The following PTGFRN variants were observed in gnomAD, a reference collection of about 807,000 sequenced individuals.
The protein encoded by PTGFRN is prostaglandin F2 receptor negative regulator.
In PTGFRN, 35 loss-of-function variants were observed where a neutral mutation model predicts 83.2. The ratio of observed to expected loss-of-function variants is 0.42; its 90% confidence interval spans 0.32 to 0.56. The LOEUF (loss-of-function observed/expected upper bound fraction) is 0.56. PTGFRN is among the 20% of genes least tolerant of loss of function. The pLI is 0.11. For missense variants in PTGFRN, 1,051 were observed against 1,179.5 expected (o/e 0.89, Z 1.60); for synonymous variants, 519 against 498.6 (o/e 1.04, Z -0.55).
intron 6 of PTGFRN, among the ~76,000 whole-genome samples, chr1:116,969,386 C>A (rs1354194481): frequency 6.6e-6 from 1 of 152,062 alleles, no homozygotes; most frequent in Admixed American, 6.6e-5. Flanking sequence ...TGTTTTGGCA[C>A]CCCTGTCAAA....
intron 4 of PTGFRN, among the ~76,000 whole-genome samples, chr1:116,953,730 C>T (rs1360089935): frequency 6.6e-6 from 1 of 151,934 alleles, no homozygotes; most frequent in African/African-American, 2.4e-5. Flanking sequence ...CTAAGAGGAG[C>T]TAGAGAAAGG....
Position 116,941,571 on chromosome 1 carries a change from T to C in PTGFRN, c.50-144T>C, listed in dbSNP as rs766664337. 12 of 1,168,472 alleles carry C rather than the reference T, an allele frequency of 1.0e-5. No individual in the cohort carries two copies. In the East Asian group the frequency reaches 2.8e-4, roughly 28 times the overall value. The allele number at this position is 1,168,472 out of a possible 1,614,324, so 72.4% of individuals were successfully genotyped here. A position where few individuals can be genotyped will look rare whatever the true frequency, so the allele number is the denominator to read the frequency against. ...CATTATTTAAGGGTTAGGCTTAACC[T>C]TCTGCATAGATACATTTTCCCTAGT... On this transcript the variant is annotated intron_variant, in intron 1 of 8. Coordinates refer to ENST00000393203, the MANE Select transcript of PTGFRN (RefSeq NM_020440.4). This position sits in a 1 kb window ranked among gnomAD's most constrained non-coding sequence, Gnocchi z 5.0.
chr1:116,910,419 C>G (rs1428406727), intron 1 of PTGFRN, among the ~76,000 whole-genome samples, 167 bp downstream of exon 1: 4 of 150,232 alleles, frequency 2.7e-5, no homozygotes, highest in African/African-American at 9.7e-5. Flanking sequence ...GGAGCGGCCG[C>G]GGGGCCGCCC....
At chr1:116,977,630 A>G (rs1167305875) in intron 7 of PTGFRN, among the ~76,000 whole-genome samples, 2 of 152,246 alleles carry the variant, frequency 1.3e-5, no homozygotes, top group African/African-American at 4.8e-5. Context: ...TACTGGGTAC[A>G]TAATGAAATG....
chr1:116,949,846 G>A (rs1650296791), intron 4 of PTGFRN, among the ~76,000 whole-genome samples: 1 of 152,176 alleles, frequency 6.6e-6, no homozygotes, highest in Admixed American at 6.5e-5. Context: ...CAGGGTCAGG[G>A]CACTGCTGAA....
At chr1:116,925,529 G>T (rs968003317) in intron 1 of PTGFRN, among the ~76,000 whole-genome samples, 1 of 152,148 alleles carries the variant, frequency 6.6e-6, no homozygotes, top group Non-Finnish European at 1.5e-5. Flanking sequence ...GAGTTGTAGG[G>T]TCATTTAGAG....
At chr1:116,925,923 C>G (rs1343421573) in intron 1 of PTGFRN, among the ~76,000 whole-genome samples, 1 of 152,140 alleles carries the variant, frequency 6.6e-6, no homozygotes, top group Non-Finnish European at 1.5e-5. Context: ...GCATGTGAAC[C>G]CAGAGTCTTT....
At chr1:116,969,479 A>G (rs185868788) in intron 6 of PTGFRN, among the ~76,000 whole-genome samples, 16 of 152,332 alleles carry the variant, frequency 1.1e-4, no homozygotes, top group Non-Finnish European at 2.1e-4. Context: ...TTATACCAAT[A>G]TCACATGGTT....
intron 3 of PTGFRN, among the ~76,000 whole-genome samples, chr1:116,948,152 C>T (rs1233436804): frequency 6.6e-6 from 1 of 152,182 alleles, no homozygotes; most frequent in Non-Finnish European, 1.5e-5. Context: ...TGCTTGAATC[C>T]CCTGGGAAGT....
chr1:116,979,803 A>G (rs1297081401), intron 7 of PTGFRN, among the ~76,000 whole-genome samples: 1 of 152,254 alleles, frequency 6.6e-6, no homozygotes, highest in Admixed American at 6.5e-5. Context: ...TTCAGGACAT[A>G]GGCATGGGCT....
In PTGFRN at chr1:116,944,731, G is replaced by T. The variant is rs1278695237; in HGVS notation, c.471G>T (p.Leu157=). 1 of 1,472,548 alleles carries T rather than the reference G, an allele frequency of 6.8e-7. No homozygotes were observed. Among genetic ancestry groups the T allele is most frequent in the East Asian group, 2.7e-5 (1 of 37,728 alleles). The allele number at this position is 1,472,548 out of a possible 1,614,324, so 91.2% of individuals were successfully genotyped here. The change falls in exon 3 of 9, where the codon CTG becomes CTT. Residue 157 remains leucine, a synonymous_variant. Coordinates refer to ENST00000393203, the MANE Select transcript of PTGFRN (RefSeq NM_020440.4). The part of the protein sequence containing the change: ...VGPSARPPPS[L]SLREGEPFEL... ...CCAGCGCGCGGCCCCCGCCGAGCCT[G>T]AGCCTGCGGGAGGGGGAGCCCTTCG...
intron 1 of PTGFRN, among the ~76,000 whole-genome samples, chr1:116,938,532 G>A (rs1232236831): frequency 1.3e-5 from 2 of 152,020 alleles, no homozygotes; most frequent in Non-Finnish European, 2.9e-5. Context: ...AGAACAGCAC[G>A]GGAAAGACCT....
chr1:116,956,343 A>C (rs1012933835), intron 4 of PTGFRN, among the ~76,000 whole-genome samples: 1 of 152,216 alleles, frequency 6.6e-6, no homozygotes, highest in African/African-American at 2.4e-5. Flanking sequence ...GAGGTCAATG[A>C]AGAGATTTTT....
At chr1:116,934,032 C>G (rs564271806) in intron 1 of PTGFRN, among the ~76,000 whole-genome samples, 1 of 152,214 alleles carries the variant, frequency 6.6e-6, no homozygotes, top group African/African-American at 2.4e-5. Flanking sequence ...TATGTTTGGC[C>G]TTTTTACTGT....
At chr1:116,960,202 A>G (rs1168199119) in intron 4 of PTGFRN, among the ~76,000 whole-genome samples, 1 of 152,188 alleles carries the variant, frequency 6.6e-6, no homozygotes, top group Non-Finnish European at 1.5e-5. Context: ...ACCAGGTGAC[A>G]TTGAAGAATA....
In PTGFRN at chr1:116,952,859, A is replaced by G. The variant is rs543209806; in HGVS notation, c.1213+3287A>G. On this transcript the variant is annotated intron_variant, in intron 4 of 8. Transcript: ENST00000393203. This position sits in a 1 kb window ranked among gnomAD's most constrained non-coding sequence, Gnocchi z 4.0. ...TCCACCCTCTATAAAAGCTGAGGAC[A>G]TAAATCTTAAGTGTGTGAAGGGTTT... 6.6e-6 allele frequency among the ~76,000 whole-genome samples: 1 copy of G among 152,366 alleles called. No homozygotes were observed. The highest frequency in any genetic ancestry group is 1.9e-4 in the East Asian group (1 of 5,190).
rs1183812765 is a variant in PTGFRN, at chr1:116,958,228, T to C, written c.1214-3015T>C. Among the ~76,000 whole-genome samples, 1 of 152,156 alleles carries C rather than the reference T, an allele frequency of 6.6e-6. No individual in the cohort carries two copies. The highest frequency in any genetic ancestry group is 1.5e-5 in the Non-Finnish European group (1 of 68,030). On this transcript the variant is annotated intron_variant, in intron 4 of 8. Transcript: ENST00000393203. The surrounding 1 kb of genome is among the most constrained non-coding windows in gnomAD (Gnocchi z 4.9). Reference sequence around the variant, plus strand: ...TCCCCACAGGCAACTTCATGGTGTTTTGGATCACACTGGTCAGTCAGGCTG... The same window carrying C: ...TCCCCACAGGCAACTTCATGGTGTTCTGGATCACACTGGTCAGTCAGGCTG...
At chr1:116,986,317 T>G in intron 8 of PTGFRN, among the ~76,000 whole-genome samples, 1 of 152,324 alleles carries the variant, frequency 6.6e-6, no homozygotes, top group East Asian at 1.9e-4. Context: ...AGTAACTCCG[T>G]ATAAAAACCC....
chr1:116,920,289 C>G (rs1043673069), intron 1 of PTGFRN, among the ~76,000 whole-genome samples: 1 of 152,210 alleles, frequency 6.6e-6, no homozygotes, highest in Non-Finnish European at 1.5e-5. Context: ...TCAGGCAGAC[C>G]CCTGGGGGAA....
Sources: gnomAD v4.1 joint callset for allele counts (sites outside exome capture counted in the v4.1 genomes callset) on GRCh38, gnomAD v4.1.1 for gene constraint, Gnocchi (gnomAD v3.1) non-coding constraint, MANE v1.5 for transcripts, NCBI Gene and HGNC (gene_info 2026-07-23, HGNC 2026-07-21) for gene names.